MTCH1: variants seen among roughly 807,000 people sequenced by gnomAD.
The protein encoded by MTCH1 is mitochondrial carrier homolog 1.
A neutral mutation model predicts 49.3 loss-of-function variants in MTCH1; 23 were observed. The observed-to-expected ratio is 0.47, with a 90% CI of 0.34 to 0.66. The LOEUF is 0.66. Among genes scored for constraint, MTCH1 ranks in the 30% least tolerant of loss-of-function variants. The pLI is 0.01. For synonymous variants in MTCH1, 229 were observed against 215.2 expected (o/e 1.06, Z -0.56); for missense variants, 397 against 532.1 (o/e 0.75, Z 2.50).
At chr6:36,986,261 C>T, upstream of MTCH1, 2 of 1,231,136 alleles carry the variant, frequency 1.6e-6, no homozygotes, top group Non-Finnish European at 2.1e-6. Flanking sequence ...GCGCACCACT[C>T]CAGGCCGCGG....
At chr6:36,986,258 A>T, upstream of MTCH1, 1 of 1,225,958 alleles carries the variant, frequency 8.2e-7, no homozygotes, top group East Asian at 3.3e-5. Context: ...GGGGCGCACC[A>T]CTCCAGGCCG....
At position 36,970,022 on chromosome 6, in the gene MTCH1, G is replaced by T; in HGVS notation, c.1098+17C>A. 1 of 1,613,792 alleles carries T rather than the reference G, an allele frequency of 6.2e-7. No individual in the cohort carries two copies. Among genetic ancestry groups the T allele is most frequent in the African/African-American group, 1.3e-5 (1 of 75,002 alleles). On this transcript the variant is annotated intron_variant, in intron 11 of 11. Transcript: ENST00000373627. ...GCAAAGAACAGGAAAGGCCTCCGCC[G>T]TCCAGTGCTTGCTCACCTGCACACT...
rs1409764416 is a variant in MTCH1 at position 36,982,380 on chromosome 6, A to ATT, written c.322-710_322-709dup. On this transcript the variant is annotated intron_variant, in intron 1 of 11. Coordinates refer to ENST00000373627, the MANE Select transcript of MTCH1 (RefSeq NM_001271641.2). The surrounding 1 kb of genome is among the most constrained non-coding windows in gnomAD (Gnocchi z 4.1). ...CTTCTTATATCTGAAATATTTATTT[A>ATT]TTTATTTTTTTTTTTGAGATGGAGT... is the stretch of plus-strand genomic sequence containing the variant. Among the ~76,000 whole-genome samples, 2 of 151,068 alleles carry ATT rather than the reference A, an allele frequency of 1.3e-5. No individual in the cohort carries two copies. Among genetic ancestry groups the ATT allele is most frequent in the African/African-American group, 4.9e-5 (2 of 40,800 alleles).
In MTCH1 at chr6:36,977,154, T is replaced by C; in HGVS notation, c.701+45A>G. The C allele has an allele frequency of 1.2e-6, 2 of 1,603,788 alleles. No individual in the cohort carries two copies. The highest frequency in any genetic ancestry group is 1.1e-5 in the South Asian group (1 of 90,932). On this transcript the variant is annotated intron_variant, in intron 6 of 11. Coordinates refer to ENST00000373627, the MANE Select transcript of MTCH1 (RefSeq NM_001271641.2). The surrounding 1 kb of genome is among the most constrained non-coding windows in gnomAD (Gnocchi z 5.4). ...CAGCACGGCCTGCCCTGGCCGACTC[T>C]GAAAGGGTAACAGGGCCACTCTGCC...
chr6:36,969,054 C>A, intron 11 of MTCH1, 80 bp from the exon 12 acceptor site: 21 of 1,562,774 alleles, frequency 1.3e-5, no homozygotes, highest in Non-Finnish European at 1.8e-5. Flanking sequence ...CAGTGTCAGG[C>A]AAAGAAGGGT....
chr6:36,969,521 G>T, intron 11 of MTCH1: 1 of 1,118,530 alleles, frequency 8.9e-7, no homozygotes, highest in Non-Finnish European at 1.1e-6. Context: ...GGTAGCTTCG[G>T]TACAGAACAC....
chr6:36,972,673 G>A lies in MTCH1; in HGVS notation c.885C>T (p.Asn295=), dbSNP rs751955464. 77 of 1,550,896 alleles carry A rather than the reference G, an allele frequency of 5.0e-5. No individual in the cohort carries two copies. Among genetic ancestry groups the A allele is most frequent in the Non-Finnish European group, 6.3e-5 (72 of 1,146,444 alleles). ...CAACCTGGGAACCTGGATTCTGGTC[G>A]TTTCCCAGCCCCCCTGGGGTGTCAC... ...SVSDTPGGLG[N]DQNPGSQFSQ... Residue 295 remains asparagine, a synonymous_variant, in exon 8 of 12, where the codon AAC becomes AAT. Coordinates refer to ENST00000373627, the MANE Select transcript of MTCH1 (RefSeq NM_001271641.2). This position sits in a 1 kb window ranked among gnomAD's most constrained non-coding sequence, Gnocchi z 4.1.
At chr6:36,969,040 AG>A (rs1763579056) in intron 11 of MTCH1, 66 bp from the exon 12 acceptor site, 1 of 1,584,412 alleles carries the variant, frequency 6.3e-7, no homozygotes, top group African/African-American at 1.4e-5. Context: ...TCCGAGAGGA[AG>A]GCCAGTGTCA....
chr6:36,971,320 C>T (rs2150745160), intron 8 of MTCH1, among the ~76,000 whole-genome samples: 1 of 152,296 alleles, frequency 6.6e-6, no homozygotes, highest in East Asian at 1.9e-4. Context: ...CTTTAAGCCA[C>T]ATACAGAAAA....
chr6:36,983,654 A>G (rs1295474415), intron 1 of MTCH1, among the ~76,000 whole-genome samples: 7 of 152,166 alleles, frequency 4.6e-5, no homozygotes, highest in Non-Finnish European at 8.8e-5. Context: ...CTGTGGCCCT[A>G]TATCAGATAC....
intron 6 of MTCH1, chr6:36,976,514 G>A (rs779641782): frequency 8.1e-5 from 38 of 471,074 alleles, no homozygotes; most frequent in Non-Finnish European, 1.3e-4. Flanking sequence ...ATCAGTCTAG[G>A]GGAATGGGCC....
chr6:36,985,996 G>C lies in MTCH1; in HGVS notation c.178C>G (p.Pro60Ala). The C allele has an allele frequency of 6.5e-7, 1 of 1,540,204 alleles. No homozygotes were observed. Among genetic ancestry groups the C allele is most frequent in the Non-Finnish European group, 8.7e-7 (1 of 1,143,790 alleles). ...HPRHPRPAAQ[P>A]SARRMDGGSG... Reference sequence around the variant, plus strand: ...CCGCCATCCATCCTGCGGGCCGAGGGCTGAGCCGCAGGCCGAGGGTGGCGA... The same window carrying C: ...CCGCCATCCATCCTGCGGGCCGAGGCCTGAGCCGCAGGCCGAGGGTGGCGA... Residue 60 changes from proline to alanine, a missense_variant, in exon 1 of 12, where the codon CCC (proline) becomes GCC (alanine). This residue lies in a region of MTCH1 where 145 missense variants were observed against 143.8 expected (regional missense o/e 1.01). Coordinates refer to ENST00000373627, the MANE Select transcript of MTCH1 (RefSeq NM_001271641.2).
chr6:36,985,544 AAT>A (rs1304722315), intron 1 of MTCH1, among the ~76,000 whole-genome samples: 1 of 151,204 alleles, frequency 6.6e-6, no homozygotes, highest in Non-Finnish European at 1.5e-5. Context: ...TTATCTCCCA[AAT>A]ATGTTTTTCC....
Position 36,977,370 on chromosome 6 carries a change from G to C in MTCH1, c.650-120C>G. 2 of 1,046,076 alleles carry C rather than the reference G, an allele frequency of 1.9e-6. No individual in the cohort carries two copies. The highest frequency in any genetic ancestry group is 2.9e-6 in the Non-Finnish European group (2 of 690,180). The allele number at this position is 1,046,076 out of a possible 1,614,324, so 64.8% of individuals were successfully genotyped here. On this transcript the variant is annotated intron_variant, in intron 5 of 11. Coordinates refer to ENST00000373627, the MANE Select transcript of MTCH1 (RefSeq NM_001271641.2). This position sits in a 1 kb window ranked among gnomAD's most constrained non-coding sequence, Gnocchi z 5.4. ...ACAACGTGGCCTATTCAGAGAGCAGGAGAGGAAGAGGGCCTTTCGGATTCC... is the reference window on the plus strand; with the variant it reads ...ACAACGTGGCCTATTCAGAGAGCAGCAGAGGAAGAGGGCCTTTCGGATTCC...
chr6:36,979,274 T>G (rs1365966419), intron 2 of MTCH1, among the ~76,000 whole-genome samples: 3 of 152,236 alleles, frequency 2.0e-5, no homozygotes, highest in African/African-American at 4.8e-5. Context: ...TTCCATAGAA[T>G]AAACTTAAAT....
intron 2 of MTCH1, among the ~76,000 whole-genome samples, chr6:36,979,502 G>A (rs11964265): frequency 0.015 from 2,270 of 152,294 alleles, 52 homozygotes; most frequent in African/African-American, 0.05. Flanking sequence ...CTGGCACCGC[G>A]CAGAGGCAGG....
At chr6:36,979,563 A>G (rs907118377) in intron 2 of MTCH1, among the ~76,000 whole-genome samples, 3 of 152,230 alleles carry the variant, frequency 2.0e-5, no homozygotes, top group Admixed American at 1.3e-4. Flanking sequence ...CAGCCCAGCA[A>G]TTCAATGTCA....
At chr6:36,974,632 G>C (rs1763799556) in intron 7 of MTCH1, among the ~76,000 whole-genome samples, 1 of 152,184 alleles carries the variant, frequency 6.6e-6, no homozygotes, top group African/African-American at 2.4e-5. Context: ...ACAACCACAA[G>C]ATGTCTCCGG....
rs1764294329 is a variant in MTCH1, at chr6:36,985,975, C to CGGCG, written c.198_199insCGCC (p.Gly67ArgfsTer17). On this transcript the variant is annotated frameshift_variant, in exon 1 of 12. Coordinates refer to ENST00000373627, the MANE Select transcript of MTCH1 (RefSeq NM_001271641.2). LOFTEE classifies it high-confidence loss of function. Reference sequence around the variant, plus strand: ...CCAGACCCCAGGCCCCCTGACCCGCCATCCATCCTGCGGGCCGAGGGCTGA... The same window carrying CGGCG: ...CCAGACCCCAGGCCCCCTGACCCGCCGGCGATCCATCCTGCGGGCCGAGGGCTGA... 1 of 1,547,672 alleles carries CGGCG rather than the reference C, an allele frequency of 6.5e-7. No individual in the cohort carries two copies. Among genetic ancestry groups the CGGCG allele is most frequent in the Admixed American group, 2.0e-5 (1 of 50,914 alleles).
Sources: gnomAD v4.1 joint callset for allele counts (sites outside exome capture counted in the v4.1 genomes callset) on GRCh38, gnomAD v4.1.1 for gene constraint, gnomAD v4.1.1 regional missense constraint, Gnocchi (gnomAD v3.1) non-coding constraint, MANE v1.5 for transcripts, NCBI Gene and HGNC (gene_info 2026-07-23, HGNC 2026-07-21) for gene names.